The following ACACB variants were observed in gnomAD, a reference collection of about 807,000 sequenced individuals.
ACACB encodes the protein acetyl-CoA carboxylase beta, also known as acetyl-CoA carboxylase 2.
In ACACB, 209 loss-of-function variants were observed where a neutral mutation model predicts 278.8. The observed-to-expected ratio is 0.75, with a 90% CI of 0.67 to 0.84. ACACB has a LOEUF of 0.84. Ranked by LOEUF, ACACB falls within the 40% of genes least tolerant of loss-of-function variation. The pLI is 0.00. For synonymous variants in ACACB, 1,174 were observed against 1,285.6 expected (o/e 0.91, Z 1.86); for missense variants, 2,850 against 3,269.0 (o/e 0.87, Z 3.13).
upstream of ACACB, among the ~76,000 whole-genome samples, chr12:109,114,224 A>AAT (rs1262287950): frequency 1.3e-5 from 2 of 152,152 alleles, no homozygotes; most frequent in Non-Finnish European, 2.9e-5. Flanking sequence ...TATGCTTGGA[A>AAT]ATATAAATAT....
At chr12:109,167,868 A>G (rs762283633) in intron 3 of ACACB, 28 bp from the exon 4 acceptor site, 27 of 1,613,562 alleles carry the variant, frequency 1.7e-5, no homozygotes, top group Middle Eastern at 1.6e-4. Context: ...ATGTGCATCT[A>G]CAGCTCCTTC....
chr12:109,170,447 CG>C (rs1490579372), intron 4 of ACACB, among the ~76,000 whole-genome samples: 1 of 152,042 alleles, frequency 6.6e-6, no homozygotes, highest in African/African-American at 2.4e-5. Flanking sequence ...CAAAACATTG[CG>C]TTATGTTCAG....
In ACACB at chr12:109,209,176, G is replaced by T. The variant is rs1177813039; in HGVS notation, c.3072G>T (p.Trp1024Cys). 6.2e-7 allele frequency: 1 copy of T among 1,600,914 alleles called. No individual in the cohort carries two copies. Among genetic ancestry groups the T allele is most frequent in the Non-Finnish European group, 8.5e-7 (1 of 1,174,636 alleles). ...EPVFSIKLKE[W>C]VQKLMMTLRH... ...GGTCCCCGCTTCAGCTGAAGGAGTGGGTGCAGAAGCTCATGATGACCCTCC... is the reference window on the plus strand; with the variant it reads ...GGTCCCCGCTTCAGCTGAAGGAGTGTGTGCAGAAGCTCATGATGACCCTCC... The change falls in exon 21 of 53, where the codon TGG becomes TGT. Residue 1024 changes from tryptophan to cysteine, a missense_variant. Trp to Cys is a radical substitution (Grantham distance 215). This residue lies in a region of ACACB where 2,265 missense variants were observed against 2,561.3 expected (regional missense o/e 0.88). Transcript: ENST00000338432.
rs2046798834 is a variant in ACACB at position 109,241,522 on chromosome 12, A to AT, written c.5022+246dup. On this transcript the variant is annotated intron_variant, in intron 36 of 52. Coordinates refer to ENST00000338432, the MANE Select transcript of ACACB (RefSeq NM_001093.4). Reference sequence around the variant, plus strand: ...TTAATCCATTCTGTGGCCATGTTGGATTTTTGATAGAGACAAGGTGTCACC... The same window carrying AT: ...TTAATCCATTCTGTGGCCATGTTGGATTTTTTGATAGAGACAAGGTGTCACC... 2.0e-5 allele frequency: 10 copies of AT among 489,394 alleles called. No individual in the cohort carries two copies. The East Asian group carries it at 3.3e-4, about 16-fold the overall frequency. The allele number at this position is 489,394 out of a possible 1,614,324, so 30.3% of individuals were successfully genotyped here.
In ACACB at chr12:109,224,189, A is replaced by G. The variant is rs184699405; in HGVS notation, c.3882+285A>G. Among the ~76,000 whole-genome samples, 6 of 152,184 alleles carry G rather than the reference A, an allele frequency of 3.9e-5. No individual in the cohort carries two copies. The East Asian group carries it at 1.2e-3, about 29-fold the overall frequency. ...CCATGCTAGTTACCACTGCTGTCTC[A>G]TGTCATTCCAGCCTCTTCCAGGCAG... is the stretch of plus-strand genomic sequence containing the variant. On this transcript the variant is annotated intron_variant, in intron 27 of 52. Transcript: ENST00000338432.
At chr12:109,181,202 C>A (rs1413832762) in intron 11 of ACACB, among the ~76,000 whole-genome samples, 1 of 151,128 alleles carries the variant, frequency 6.6e-6, no homozygotes, top group Non-Finnish European at 1.5e-5. Context: ...TGTGTATGTA[C>A]CACATTTTCT....
chr12:109,202,269 C>T (rs1170936257), intron 19 of ACACB, among the ~76,000 whole-genome samples: 1 of 151,950 alleles, frequency 6.6e-6, no homozygotes. Flanking sequence ...GCCAGTTTCC[C>T]TGTCATTCAT....
chr12:109,210,435 G>A (rs554627265), intron 21 of ACACB, among the ~76,000 whole-genome samples: 67 of 118,228 alleles, frequency 5.7e-4, no homozygotes, highest in Non-Finnish European at 1.1e-3. Flanking sequence ...GTATATACAC[G>A]CACATACATG....
rs1367281830 is a variant in ACACB at position 109,187,939 on chromosome 12, G to A, written c.1981-60G>A. The A allele has an allele frequency of 2.6e-6, 4 of 1,553,214 alleles. No individual in the cohort carries two copies. In the African/African-American group the frequency reaches 5.4e-5, roughly 21 times the overall value. On this transcript the variant is annotated intron_variant, in intron 12 of 52. Coordinates refer to ENST00000338432, the MANE Select transcript of ACACB (RefSeq NM_001093.4). ...TTGGGTTTTCCCAGGACTGAATTCTGATGAAAATATATCTGGAGTAATGAT... is the reference window on the plus strand; with the variant it reads ...TTGGGTTTTCCCAGGACTGAATTCTAATGAAAATATATCTGGAGTAATGAT...
At chr12:109,209,063 C>A in intron 20 of ACACB, 102 bp from the exon 21 acceptor site, 3 of 1,316,398 alleles carry the variant, frequency 2.3e-6, no homozygotes, top group Non-Finnish European at 3.1e-6. Flanking sequence ...CACTTGAGTG[C>A]ATGGGGTCAG....
intron 12 of ACACB, among the ~76,000 whole-genome samples, chr12:109,186,845 G>C (rs1269123058): frequency 2.6e-5 from 4 of 152,078 alleles, no homozygotes; most frequent in Non-Finnish European, 5.9e-5. Context: ...TGGAGGACCA[G>C]GTATGGTAAC....
intron 21 of ACACB, among the ~76,000 whole-genome samples, chr12:109,210,868 C>A (rs1297799768): frequency 6.7e-6 from 1 of 148,560 alleles, no homozygotes; most frequent in African/African-American, 2.5e-5. Context: ...GAGCCGAGAT[C>A]GCACCACTGT....
At chr12:109,195,425 A>T (rs367981389) in intron 16 of ACACB, among the ~76,000 whole-genome samples, 99 of 152,308 alleles carry the variant, frequency 6.5e-4, no homozygotes, top group African/African-American at 2.1e-3. Context: ...TTTCACAATC[A>T]TCCTCCTTTG....
intron 22 of ACACB, among the ~76,000 whole-genome samples, chr12:109,213,565 C>T (rs2136448250): frequency 6.6e-6 from 1 of 152,154 alleles, no homozygotes; most frequent in Non-Finnish European, 1.5e-5. Context: ...ACAGGGGTTT[C>T]CCGCTGCAGG....
chr12:109,197,656 G>A (rs1433152162), intron 17 of ACACB, among the ~76,000 whole-genome samples: 1 of 152,096 alleles, frequency 6.6e-6, no homozygotes, highest in Non-Finnish European at 1.5e-5. Flanking sequence ...TAACACACAA[G>A]ATGCCCTGGA....
At chr12:109,214,118 C>T (rs1466065446) in intron 22 of ACACB, among the ~76,000 whole-genome samples, 1 of 151,156 alleles carries the variant, frequency 6.6e-6, no homozygotes, top group Non-Finnish European at 1.5e-5. Context: ...AAAAATGAGT[C>T]GGGGATGGTG....
At chr12:109,217,739 G>T (rs1443857655) in intron 24 of ACACB, among the ~76,000 whole-genome samples, 1 of 152,126 alleles carries the variant, frequency 6.6e-6, no homozygotes, top group African/African-American at 2.4e-5. Flanking sequence ...TGTTGAGGCT[G>T]CAGTAAGCTG....
Position 109,180,102 on chromosome 12 carries a change from T to C in ACACB, c.1818+15T>C. ...CCCAGCTACAGGTGAGAAAATGGGC[T>C]TGGGGCCCTGGGACTTCTCTGCCCT... On this transcript the variant is annotated intron_variant, in intron 11 of 52. Coordinates refer to ENST00000338432, the MANE Select transcript of ACACB (RefSeq NM_001093.4). The C allele has an allele frequency of 6.2e-7, 1 of 1,607,334 alleles. No individual in the cohort carries two copies. The highest frequency in any genetic ancestry group is 1.3e-5 in the African/African-American group (1 of 74,902).
rs562270818 is a variant in ACACB at position 109,235,534 on chromosome 12, T to C, written c.4405-72T>C. ...AGTGAATGTAATCGTTTACAATCACTAAATAAGGATGTACATATTTCAGTG... is the reference window on the plus strand; with the variant it reads ...AGTGAATGTAATCGTTTACAATCACCAAATAAGGATGTACATATTTCAGTG... On this transcript the variant is annotated intron_variant, in intron 32 of 52. Coordinates refer to ENST00000338432, the MANE Select transcript of ACACB (RefSeq NM_001093.4). 4 of 1,471,420 alleles carry C rather than the reference T, an allele frequency of 2.7e-6. No homozygotes were observed. In the East Asian group the frequency reaches 9.1e-5, roughly 33 times the overall value. The allele number at this position is 1,471,420 out of a possible 1,614,324, so 91.1% of individuals were successfully genotyped here.
Sources: allele counts gnomAD v4.1 joint callset (sites outside exome capture counted in the v4.1 genomes callset), GRCh38; gene constraint gnomAD v4.1.1; regional missense constraint gnomAD v4.1.1; transcripts MANE v1.5; gene names NCBI Gene and HGNC (gene_info 2026-07-23, HGNC 2026-07-21).